The following TFCP2L1 variants were observed in gnomAD, a reference collection of about 807,000 sequenced individuals.
The protein encoded by TFCP2L1 is transcription factor CP2-like protein 1.
Under a neutral mutation model 72.2 loss-of-function variants are expected in TFCP2L1, and 12 were observed. The observed-to-expected ratio is 0.17, with a 90% CI of 0.11 to 0.27. TFCP2L1 has a LOEUF of 0.27. Among genes scored for constraint, TFCP2L1 ranks in the 10% least tolerant of loss-of-function variants. The pLI is 1.00. For missense variants in TFCP2L1, 488 were observed against 624.6 expected, an observed-to-expected ratio of 0.78 and a Z score of 2.33; for synonymous variants, 260 against 251.0, an observed-to-expected ratio of 1.04 and a Z score of -0.34.
chr2:121,264,925 C>T (rs193210596), intron 2 of TFCP2L1, among the ~76,000 whole-genome samples: 44 of 152,276 alleles, frequency 2.9e-4, no homozygotes, highest in Admixed American at 8.5e-4. Flanking sequence ...TTTGGAAAAC[C>T]GTCTGGCAGT....
intron 2 of TFCP2L1, among the ~76,000 whole-genome samples, chr2:121,275,203 T>C (rs1414199778): frequency 6.6e-6 from 1 of 151,754 alleles, no homozygotes; most frequent in Non-Finnish European, 1.5e-5. Flanking sequence ...GCTAACACGG[T>C]GAAACCCCAT....
Position 121,278,331 on chromosome 2 carries a change from C to A in TFCP2L1, c.214+2789G>T, listed in dbSNP as rs190958331. On this transcript the variant is annotated intron_variant, in intron 2 of 14. Coordinates refer to ENST00000263707, the MANE Select transcript of TFCP2L1 (RefSeq NM_014553.3). Reference sequence around the variant, plus strand: ...GATTACAGGCGTGAGCCACTGCGCCCGGCCCTTTTTCTCTCTTTTAACTGA... The same window carrying A: ...GATTACAGGCGTGAGCCACTGCGCCAGGCCCTTTTTCTCTCTTTTAACTGA... Among the ~76,000 whole-genome samples the A allele has an allele frequency of 3.8e-3, 577 of 150,258 alleles. 6 individuals are homozygous for A. Among genetic ancestry groups the A allele is most frequent in the African/African-American group, 0.013 (552 of 41,186 alleles).
chr2:121,239,759 G>A, intron 7 of TFCP2L1, 110 bp from the exon 8 acceptor site: 1 of 1,068,064 alleles, frequency 9.4e-7, no homozygotes. Flanking sequence ...ACCCCCACCT[G>A]TGAAACGCAG....
intron 2 of TFCP2L1, among the ~76,000 whole-genome samples, chr2:121,263,810 C>G (rs905973684): frequency 1.5e-4 from 23 of 152,216 alleles, no homozygotes; most frequent in Non-Finnish European, 2.6e-4. Flanking sequence ...TATACTGGAG[C>G]CAGGGATAAC....
chr2:121,264,875 C>T (rs1686899285), intron 2 of TFCP2L1, among the ~76,000 whole-genome samples: 2 of 152,160 alleles, frequency 1.3e-5, no homozygotes, highest in Admixed American at 6.5e-5. Context: ...AGCTGGATCC[C>T]TCCTGTATTG....
intron 2 of TFCP2L1, among the ~76,000 whole-genome samples, chr2:121,276,985 T>C (rs1315382411): frequency 6.6e-6 from 1 of 150,942 alleles, no homozygotes; most frequent in Non-Finnish European, 1.5e-5. Context: ...ACCATAAATA[T>C]AGTTATCACC....
At chr2:121,224,483 A>G in intron 14 of TFCP2L1, 96 bp from the exon 15 acceptor site, 1 of 1,250,464 alleles carries the variant, frequency 8.0e-7, no homozygotes, top group Non-Finnish European at 1.1e-6. Context: ...GGGTATCAGC[A>G]AAGACCACCA....
chr2:121,266,286 C>T (rs1227749239), intron 2 of TFCP2L1, among the ~76,000 whole-genome samples: 1 of 151,976 alleles, frequency 6.6e-6, no homozygotes, highest in Non-Finnish European at 1.5e-5. Context: ...CCTTCCCTCT[C>T]TCCTCCTCCA....
intron 11 of TFCP2L1, among the ~76,000 whole-genome samples, chr2:121,235,007 G>A (rs190276125): frequency 1.3e-5 from 2 of 152,330 alleles, no homozygotes; most frequent in East Asian, 3.9e-4. Flanking sequence ...CAGGGTCTGC[G>A]GCAGCTGGCC....
At chr2:121,270,544 G>T (rs1687026297) in intron 2 of TFCP2L1, among the ~76,000 whole-genome samples, 1 of 152,138 alleles carries the variant, frequency 6.6e-6, no homozygotes, top group South Asian at 2.1e-4. Flanking sequence ...AGAGCACGAG[G>T]TTATAACTAT....
At chr2:121,255,868 G>T (rs879448635) in intron 2 of TFCP2L1, among the ~76,000 whole-genome samples, 7 of 151,734 alleles carry the variant, frequency 4.6e-5, no homozygotes, top group Non-Finnish European at 7.4e-5. Flanking sequence ...TCAGGCTCCC[G>T]AGTAGCTGGG....
chr2:121,245,267 T>C (rs563010627), intron 6 of TFCP2L1, among the ~76,000 whole-genome samples: 22 of 152,210 alleles, frequency 1.4e-4, no homozygotes, highest in African/African-American at 5.1e-4. Context: ...CTTTGGAAGC[T>C]GGAATAGGCA....
intron 13 of TFCP2L1, among the ~76,000 whole-genome samples, chr2:121,225,828 G>A (rs1037061420): frequency 2.1e-5 from 3 of 142,484 alleles, no homozygotes; most frequent in African/African-American, 5.5e-5. Flanking sequence ...CCACACACAC[G>A]GGAACACGGT....
intron 11 of TFCP2L1, 135 bp from the exon 12 acceptor site, chr2:121,234,329 T>C (rs750578402): frequency 3.8e-6 from 3 of 798,144 alleles, no homozygotes; most frequent in Non-Finnish European, 6.0e-6. Flanking sequence ...GGAGTGCCTG[T>C]CATGGGGTGG....
At chr2:121,238,486 A>G (rs999427975) in intron 8 of TFCP2L1, among the ~76,000 whole-genome samples, 3 of 152,278 alleles carry the variant, frequency 2.0e-5, no homozygotes, top group Admixed American at 2.0e-4. Context: ...GCTGCACAAC[A>G]GTGTGAATGT....
At chr2:121,264,925 C>G (rs193210596) in intron 2 of TFCP2L1, among the ~76,000 whole-genome samples, 1 of 152,158 alleles carries the variant, frequency 6.6e-6, no homozygotes, top group Non-Finnish European at 1.5e-5. Context: ...TTTGGAAAAC[C>G]GTCTGGCAGT....
At chr2:121,240,544 C>T (rs933895499) in intron 7 of TFCP2L1, 64 of 985,440 alleles carry the variant, frequency 6.5e-5, no homozygotes, top group Non-Finnish European at 7.4e-5. Flanking sequence ...GAAAGCTGAA[C>T]AGCTGATAGA....
chr2:121,269,818 A>T (rs747227929), intron 2 of TFCP2L1, among the ~76,000 whole-genome samples: 6 of 150,842 alleles, frequency 4.0e-5, no homozygotes, highest in Non-Finnish European at 7.4e-5. Context: ...TTGAAACAGG[A>T]GAATCACTTG....
At position 121,233,972 on chromosome 2, in the gene TFCP2L1, G is replaced by A. The variant is rs1468236386; in HGVS notation, c.1198+119C>T. On this transcript the variant is annotated intron_variant, in intron 12 of 14. Coordinates refer to ENST00000263707, the MANE Select transcript of TFCP2L1 (RefSeq NM_014553.3). ...GGCTGCCCTTTCCACGTGTGGGCAT[G>A]TGGGAGCCCAGGACTGTCCTGCACA... 20 of 882,936 alleles carry A rather than the reference G, an allele frequency of 2.3e-5. No homozygotes were observed. In the Admixed American group the frequency reaches 4.0e-4, roughly 18 times the overall value. The allele number at this position is 882,936 out of a possible 1,614,324, so 54.7% of individuals were successfully genotyped here.
Sources: allele counts gnomAD v4.1 joint callset (sites outside exome capture counted in the v4.1 genomes callset), GRCh38; gene constraint gnomAD v4.1.1; transcripts MANE v1.5; gene names NCBI Gene and HGNC (gene_info 2026-07-23, HGNC 2026-07-21).